Variants in LAMC3 observed in about 807,000 individuals in gnomAD.
The protein encoded by LAMC3 is laminin subunit gamma 3, also known as laminin subunit gamma-3.
Under a neutral mutation model 173.8 loss-of-function variants are expected in LAMC3, and 128 were observed. That is an observed-to-expected ratio of 0.74 (90% CI 0.64 to 0.85). The LOEUF (loss-of-function observed/expected upper bound fraction) is 0.85, where lower values mean the gene tolerates loss of function less well. Ranked by LOEUF, LAMC3 falls within the 40% of genes least tolerant of loss-of-function variation. The pLI is 0.00. For missense variants in LAMC3, 2,022 were observed against 2,156.0 expected (o/e 0.94, Z 1.23); for synonymous variants, 897 against 909.1 (o/e 0.99, Z 0.24).
chr9:131,031,961 C>T, intron 2 of LAMC3, 84 bp from the exon 3 acceptor site: 1 of 1,611,706 alleles, frequency 6.2e-7, no homozygotes, highest in Non-Finnish European at 8.5e-7. Context: ...CCGGGGCAGC[C>T]AGCTGGATCT....
intron 23 of LAMC3, among the ~76,000 whole-genome samples, chr9:131,080,146 T>C (rs1830212251): frequency 6.6e-6 from 1 of 151,998 alleles, no homozygotes; most frequent in African/African-American, 2.4e-5. Context: ...CTAAATTCTT[T>C]TGTATTTTTA....
chr9:131,068,794 G>A (rs950762707), intron 15 of LAMC3, 114 bp from the exon 16 acceptor site: 6 of 1,106,836 alleles, frequency 5.4e-6, no homozygotes, highest in African/African-American at 1.6e-5. Flanking sequence ...AGAGGAGATG[G>A]GGTCTTGTCA....
At chr9:131,013,361 G>A (rs1032467720) in intron 1 of LAMC3, among the ~76,000 whole-genome samples, 20 of 152,134 alleles carry the variant, frequency 1.3e-4, no homozygotes, top group African/African-American at 4.6e-4. Context: ...CACTTGGATC[G>A]CTGAGAATCT....
At chr9:131,024,049 T>C (rs1019046752) in intron 1 of LAMC3, among the ~76,000 whole-genome samples, 1 of 152,204 alleles carries the variant, frequency 6.6e-6, no homozygotes, top group Non-Finnish European at 1.5e-5. Flanking sequence ...ATTTTTTCTT[T>C]TGTTACCTGT....
At position 131,032,086 on chromosome 9, in the gene LAMC3, G is replaced by T; in HGVS notation, c.720G>T (p.Arg240=). Residue 240 remains arginine, a synonymous_variant, in exon 3 of 28, where the codon CGG becomes CGT. Transcript: ENST00000361069. ...TSTELLISLD[R]LNTFGDDIFK... ...CCGAACTCCTCATCTCTCTAGACCG[G>T]CTCAACACGTTTGGGGACGACATCT... 1 of 1,614,070 alleles carries T rather than the reference G, an allele frequency of 6.2e-7. No individual in the cohort carries two copies. The highest frequency in any genetic ancestry group is 8.5e-7 in the Non-Finnish European group (1 of 1,180,006).
At chr9:131,024,130 T>C (rs1833678527) in intron 1 of LAMC3, among the ~76,000 whole-genome samples, 1 of 151,620 alleles carries the variant, frequency 6.6e-6, no homozygotes, top group Non-Finnish European at 1.5e-5. Flanking sequence ...CTCTGTTTTC[T>C]TCTAAGAAAG....
chr9:131,017,664 C>T (rs985397324), intron 1 of LAMC3, among the ~76,000 whole-genome samples: 1 of 132,408 alleles, frequency 7.6e-6, no homozygotes, highest in South Asian at 2.6e-4. Flanking sequence ...GCAGAGGTTG[C>T]AGTGAGCCGA....
intron 1 of LAMC3, among the ~76,000 whole-genome samples, chr9:131,012,587 T>C (rs2133200268): frequency 6.6e-6 from 1 of 152,322 alleles, no homozygotes; most frequent in East Asian, 1.9e-4. Context: ...CAGCCCCAGA[T>C]TTGGCCTCTT....
intron 11 of LAMC3, among the ~76,000 whole-genome samples, chr9:131,055,247 G>A (rs575742580): frequency 3.3e-5 from 5 of 152,078 alleles, no homozygotes; most frequent in East Asian, 3.9e-4. Flanking sequence ...GAGGAGTGTC[G>A]GCCGCCTCCA....
At chr9:131,022,107 A>G (rs531123620) in intron 1 of LAMC3, among the ~76,000 whole-genome samples, 318 of 152,250 alleles carry the variant, frequency 2.1e-3, no homozygotes, top group African/African-American at 7.4e-3. Context: ...GAGTGAAAGG[A>G]GGGCAGGAGA....
intron 8 of LAMC3, among the ~76,000 whole-genome samples, chr9:131,047,165 C>CTTTTTT (rs398012456): frequency 0.022 from 2,231 of 102,132 alleles, 227 homozygotes; most frequent in Non-Finnish European, 0.034. Context: ...CTGAATTCCT[C>CTTTTTT]TTTTTTTTTT....
rs1443544988 is a variant in LAMC3 at position 131,061,284 on chromosome 9, A to G, written c.2347+61A>G. 9.1e-6 allele frequency: 13 copies of G among 1,435,684 alleles called. No individual in the cohort carries two copies. In the East Asian group the frequency reaches 9.4e-5, roughly 10 times the overall value. The allele number at this position is 1,435,684 out of a possible 1,614,324, so 88.9% of individuals were successfully genotyped here. A position where few individuals can be genotyped will look rare whatever the true frequency, so the allele number is the denominator to read the frequency against. ...AGGGCCAAGCCCCGGCACTGTGACT[A>G]TGCCCTGGGCTCCAGGGTTAGGGCC... On this transcript the variant is annotated intron_variant, in intron 13 of 27. Transcript: ENST00000361069.
At chr9:131,045,221 C>A (rs1407249776) in intron 7 of LAMC3, among the ~76,000 whole-genome samples, 151 of 111,938 alleles carry the variant, frequency 1.3e-3, no homozygotes, top group Middle Eastern at 4.5e-3. Context: ...GACTCTGTCT[C>A]AAAAAAAAAA....
chr9:131,037,926 G>T (rs1292355628), intron 4 of LAMC3, among the ~76,000 whole-genome samples: 1 of 152,192 alleles, frequency 6.6e-6, no homozygotes, highest in Non-Finnish European at 1.5e-5. Context: ...GCTAGCCTCT[G>T]ACTTCACAAC....
chr9:131,092,033 C>G lies in LAMC3; in HGVS notation c.*246C>G, dbSNP rs1043176238. On this transcript the variant is annotated 3_prime_UTR_variant, in exon 28 of 28. Transcript: ENST00000361069. ...ACTCTCACCCCTGCACATGCATAAA[C>G]GGGCACACCCCAGTGTCAATAACAT... 5.2e-6 allele frequency: 3 copies of G among 573,378 alleles called. No homozygotes were observed. The African/African-American group carries it at 5.6e-5, about 11-fold the overall frequency. The allele number at this position is 573,378 out of a possible 1,614,324, so 35.5% of individuals were successfully genotyped here. A position where few individuals can be genotyped will look rare whatever the true frequency, so the allele number is the denominator to read the frequency against.
intron 1 of LAMC3, among the ~76,000 whole-genome samples, chr9:131,024,548 GT>G (rs1280854392): frequency 6.6e-6 from 1 of 152,126 alleles, no homozygotes; most frequent in Admixed American, 6.5e-5. Context: ...TCTCTTGGGG[GT>G]CTCTGGGACC....
intron 13 of LAMC3, among the ~76,000 whole-genome samples, chr9:131,063,825 C>T (rs976747009): frequency 6.6e-6 from 1 of 152,216 alleles, no homozygotes; most frequent in Non-Finnish European, 1.5e-5. Context: ...AGGTGCTAGC[C>T]TCGACCTTGA....
Position 131,067,099 on chromosome 9 carries a change from C to T in LAMC3, c.2487C>T (p.Gly829=), listed in dbSNP as rs748621522. Reference sequence around the variant, plus strand: ...TGGGCAACTGTGACCCCCTGTCTGGCCACTGCCTGCGCTGCCTGCACAACA... The same window carrying T: ...TGGGCAACTGTGACCCCCTGTCTGGTCACTGCCTGCGCTGCCTGCACAACA... ...NAVGNCDPLS[G]HCLRCLHNTT... The change falls in exon 14 of 28, where the codon GGC becomes GGT. Residue 829 remains glycine (G), a synonymous_variant. Transcript: ENST00000361069. 12 of 1,614,068 alleles carry T rather than the reference C, an allele frequency of 7.4e-6. No individual in the cohort carries two copies. Among genetic ancestry groups the T allele is most frequent in the Non-Finnish European group, 9.3e-6 (11 of 1,180,040 alleles).
At chr9:131,073,359 T>A in intron 20 of LAMC3, 38 bp downstream of exon 20, 1 of 1,508,790 alleles carries the variant, frequency 6.6e-7, no homozygotes, top group East Asian at 2.3e-5. Flanking sequence ...ACCTGGCCCT[T>A]CTCCTGGGGG....
Sources: allele counts gnomAD v4.1 joint callset (sites outside exome capture counted in the v4.1 genomes callset), GRCh38; gene constraint gnomAD v4.1.1; transcripts MANE v1.5; gene names NCBI Gene and HGNC (gene_info 2026-07-23, HGNC 2026-07-21).